SEC24D: variants seen among roughly 807,000 people sequenced by gnomAD.
The protein encoded by SEC24D is protein transport protein Sec24D.
Under a neutral mutation model 116.9 loss-of-function variants are expected in SEC24D, and 69 were observed. The observed-to-expected ratio is 0.59, with a 90% CI of 0.49 to 0.72. The LOEUF (loss-of-function observed/expected upper bound fraction) is 0.72, where lower values mean the gene tolerates loss of function less well. SEC24D is among the 30% of genes least tolerant of loss of function. The probability of loss-of-function intolerance (pLI) is 0.00; values close to 1 mark genes in which losing one functional copy is unlikely to be tolerated. For missense variants in SEC24D, 1,131 were observed against 1,264.1 expected, an observed-to-expected ratio of 0.89 and a Z score of 1.60; for synonymous variants, 405 against 442.8, an observed-to-expected ratio of 0.91 and a Z score of 1.07.
chr4:118,835,056 G>C (rs1164622959), intron 1 of SEC24D, among the ~76,000 whole-genome samples: 1 of 152,138 alleles, frequency 6.6e-6, no homozygotes, highest in East Asian at 1.9e-4. Context: ...AGGCCTTCTG[G>C]TCCACTTTGT....
Position 118,723,452 on chromosome 4 carries a change from A to C in SEC24D, c.*63T>G. 6.6e-7 allele frequency: 1 copy of C among 1,509,436 alleles called. No individual in the cohort carries two copies. Among genetic ancestry groups the C allele is most frequent in the Non-Finnish European group, 9.0e-7 (1 of 1,112,574 alleles). 93.5% of individuals were successfully genotyped at this position (1,509,436 alleles called of 1,614,324 possible). A position where few individuals can be genotyped will look rare whatever the true frequency, so the allele number is the denominator to read the frequency against. Reference sequence around the variant, plus strand: ...AAACTAGCCTATTATCATCTAGAAAATTAGGCACCAAGAAGGAGATTATCT... The same window carrying C: ...AAACTAGCCTATTATCATCTAGAAACTTAGGCACCAAGAAGGAGATTATCT... On this transcript the variant is annotated 3_prime_UTR_variant, in exon 23 of 23. Coordinates refer to ENST00000280551, the MANE Select transcript of SEC24D (RefSeq NM_014822.4).
intron 9 of SEC24D, 90 bp downstream of exon 9, chr4:118,768,083 A>G (rs909887363): frequency 8.8e-7 from 1 of 1,139,550 alleles, no homozygotes; most frequent in Non-Finnish European, 1.3e-6. Flanking sequence ...TATAGCAGAA[A>G]AAAGAATGTA....
At chr4:118,813,195 G>A (rs1729990948) in intron 6 of SEC24D, among the ~76,000 whole-genome samples, 1 of 152,148 alleles carries the variant, frequency 6.6e-6, no homozygotes. Context: ...AAGAGAAGGA[G>A]GACTCAATGT....
At chr4:118,743,894 C>T (rs755278386) in intron 15 of SEC24D, 94 bp downstream of exon 15, 12 of 1,129,386 alleles carry the variant, frequency 1.1e-5, no homozygotes, top group Admixed American at 5.1e-5. Flanking sequence ...GTGTCATCTA[C>T]CCACCAGGGA....
In SEC24D at chr4:118,744,099, G is replaced by A. The variant is rs80266466; in HGVS notation, c.1884C>T (p.His628=). Residue 628 remains histidine, a synonymous_variant, in exon 15 of 23, where the codon CAC becomes CAT. Transcript: ENST00000280551. Reference sequence around the variant, plus strand: ...AGAGGAAGAGTGTCACAGAGCAGCCGTGAGCCACGCAGTCCTTGGCCAATG... The same window carrying A: ...AGAGGAAGAGTGTCACAGAGCAGCCATGAGCCACGCAGTCCTTGGCCAATG... The part of the protein sequence containing the change: ...YDSLAKDCVA[H]GCSVTLFLFP... The A allele has an allele frequency of 1.1e-3, 1,727 of 1,613,314 alleles. 13 individuals carry two copies. In the African/African-American group the frequency reaches 0.017, roughly 16 times the overall value.
At chr4:118,765,577 G>A (rs1727606308) in intron 9 of SEC24D, among the ~76,000 whole-genome samples, 1 of 152,218 alleles carries the variant, frequency 6.6e-6, no homozygotes, top group Non-Finnish European at 1.5e-5. Context: ...ATATGGCCTG[G>A]TATCTCTGTA....
Position 118,722,870 on chromosome 4 carries a change from TA to T in SEC24D, c.*644del, listed in dbSNP as rs1725217536. ...TTGATACTGGTTAACATCCATTATATACAGGTAGAAACTTTCAAAATTGTAC... is the reference window on the plus strand; with the variant it reads ...TTGATACTGGTTAACATCCATTATATCAGGTAGAAACTTTCAAAATTGTAC... On this transcript the variant is annotated 3_prime_UTR_variant, in exon 23 of 23. Coordinates refer to ENST00000280551, the MANE Select transcript of SEC24D (RefSeq NM_014822.4). 1 of 152,612 alleles carries T rather than the reference TA, an allele frequency of 6.6e-6. No individual in the cohort carries two copies. Among genetic ancestry groups the T allele is most frequent in the Non-Finnish European group, 1.5e-5 (1 of 68,014 alleles). 9.5% of individuals were successfully genotyped at this position (152,612 alleles called of 1,614,324 possible).
intron 8 of SEC24D, among the ~76,000 whole-genome samples, chr4:118,777,092 A>AT (rs1728170072): frequency 1.3e-5 from 2 of 148,548 alleles, no homozygotes; most frequent in Admixed American, 1.4e-4. Context: ...GAAGGTCTGA[A>AT]TTATTTATTT....
At chr4:118,726,497 T>C (rs1725419622) in intron 22 of SEC24D, among the ~76,000 whole-genome samples, 1 of 152,062 alleles carries the variant, frequency 6.6e-6, no homozygotes, top group East Asian at 1.9e-4. Flanking sequence ...AGGAGCTTGG[T>C]TGTAGAATGT....
chr4:118,761,104 C>T (rs1451114522), intron 10 of SEC24D, among the ~76,000 whole-genome samples: 1 of 152,068 alleles, frequency 6.6e-6, no homozygotes, highest in Non-Finnish European at 1.5e-5. Flanking sequence ...CTAATGTTCC[C>T]TTGCCTCTAA....
chr4:118,740,614 G>A (rs750644044), intron 17 of SEC24D, 49 bp downstream of exon 17: 1 of 1,597,296 alleles, frequency 6.3e-7, no homozygotes, highest in Non-Finnish European at 8.6e-7. Context: ...ACTGATCATT[G>A]TCGGCAACAA....
intron 21 of SEC24D, chr4:118,730,556 G>A (rs1013404541): frequency 9.8e-5 from 15 of 152,292 alleles, no homozygotes; most frequent in African/African-American, 3.4e-4. Context: ...CTAACTATCT[G>A]CTGAGCTCTA....
At chr4:118,772,706 G>A (rs905026344) in intron 8 of SEC24D, among the ~76,000 whole-genome samples, 1 of 152,132 alleles carries the variant, frequency 6.6e-6, no homozygotes, top group African/African-American at 2.4e-5. Flanking sequence ...CTCCACATTA[G>A]CCATCGTGGT....
intron 2 of SEC24D, among the ~76,000 whole-genome samples, chr4:118,829,655 A>G (rs183354851): frequency 6.6e-6 from 1 of 152,282 alleles, no homozygotes; most frequent in Non-Finnish European, 1.5e-5. Context: ...TCTACTAAAA[A>G]TACAAAATTA....
intron 7 of SEC24D, among the ~76,000 whole-genome samples, chr4:118,802,177 C>A (rs113521309): frequency 2.6e-5 from 4 of 151,982 alleles, no homozygotes; most frequent in Non-Finnish European, 5.9e-5. Flanking sequence ...ATTGACCACA[C>A]GAAGGATGAG....
intron 12 of SEC24D, 59 bp downstream of exon 12, chr4:118,752,638 G>T: frequency 8.5e-7 from 1 of 1,174,680 alleles, no homozygotes; most frequent in Non-Finnish European, 1.2e-6. Context: ...TCAAAACACA[G>T]TGCAATTAAA....
Position 118,830,769 on chromosome 4 carries a change from G to T in SEC24D, c.118+2810C>A, listed in dbSNP as rs111472261. 9.1e-3 allele frequency among the ~76,000 whole-genome samples: 1,377 copies of T among 152,020 alleles called. 12 individuals are homozygous for T. Among genetic ancestry groups the T allele is most frequent in the Non-Finnish European group, 0.014 (960 of 67,992 alleles). The stretch of plus-strand genomic sequence containing the variant: ...CCTGAAAAAGTATTAGAATACAAAA[G>T]AATTCAAATTAGATTTGCATGGTAT... On this transcript the variant is annotated intron_variant, in intron 2 of 22. Coordinates refer to ENST00000280551, the MANE Select transcript of SEC24D (RefSeq NM_014822.4).
chr4:118,815,813 T>C (rs1019315961), intron 4 of SEC24D, 87 bp from the exon 5 acceptor site: 182 of 1,438,532 alleles, frequency 1.3e-4, no homozygotes, highest in Non-Finnish European at 1.7e-4. Flanking sequence ...GATGTTTGTT[T>C]TCCTGACATA....
chr4:118,780,906 G>GATTTTTTTT (rs1728368824), intron 8 of SEC24D, among the ~76,000 whole-genome samples: 4 of 106,080 alleles, frequency 3.8e-5, no homozygotes, highest in Non-Finnish European at 7.7e-5. Flanking sequence ...TGCAACCCCT[G>GATTTTTTTT]CTTTTTTTTT....
Sources: allele counts gnomAD v4.1 joint callset (sites outside exome capture counted in the v4.1 genomes callset), GRCh38; gene constraint gnomAD v4.1.1; transcripts MANE v1.5; gene names NCBI Gene and HGNC (gene_info 2026-07-23, HGNC 2026-07-21).